Variants in NAA25 observed in about 807,000 individuals in gnomAD.
NAA25 encodes N-terminal acetyltransferase B complex subunit NAA25.
A neutral mutation model predicts 132.5 loss-of-function variants in NAA25; 30 were observed. The observed-to-expected ratio is 0.23, with a 90% CI of 0.17 to 0.31. The LOEUF (loss-of-function observed/expected upper bound fraction) is 0.31. Ranked by LOEUF, NAA25 falls within the 10% of genes least tolerant of loss-of-function variation. NAA25 has a pLI of 1.00. For synonymous variants in NAA25, 359 were observed against 401.9 expected (o/e 0.89, Z 1.28); for missense variants, 771 against 1,150.4 (o/e 0.67, Z 4.77).
Position 112,072,068 on chromosome 12 carries a change from A to G in NAA25, c.867-4T>C. On this transcript the variant is annotated splice_polypyrimidine_tract_variant and splice_region_variant and intron_variant, in intron 9 of 23. Transcript: ENST00000261745. ...ATGTACTTCTCCTTCTAAAGAGCTG[A>G]GGAAAAGCACATGAAAAAGGAATTT... 4 of 1,605,054 alleles carry G rather than the reference A, an allele frequency of 2.5e-6. No individual in the cohort carries two copies. The highest frequency in any genetic ancestry group is 3.4e-6 in the Non-Finnish European group (4 of 1,175,020).
intron 13 of NAA25, among the ~76,000 whole-genome samples, chr12:112,055,939 C>T (rs1158222126): frequency 6.6e-6 from 1 of 152,178 alleles, no homozygotes; most frequent in African/African-American, 2.4e-5. Flanking sequence ...GTAGCTCATG[C>T]CTGTAATCCC....
At chr12:112,092,993 T>A (rs984857275) in intron 2 of NAA25, 58 bp downstream of exon 2, 1 of 1,258,224 alleles carries the variant, frequency 7.9e-7, no homozygotes, top group Non-Finnish European at 1.1e-6. Context: ...CTCTTTAAGG[T>A]AAGGAATTAC....
chr12:112,064,241 T>G (rs1369544987), intron 11 of NAA25: 1 of 152,338 alleles, frequency 6.6e-6, no homozygotes, highest in African/African-American at 2.4e-5. Flanking sequence ...TGTTGTTGTT[T>G]TTGAGACGGA....
chr12:112,098,397 G>A (rs573559859), intron 1 of NAA25, among the ~76,000 whole-genome samples: 1 of 152,292 alleles, frequency 6.6e-6, no homozygotes, highest in Middle Eastern at 3.4e-3. Flanking sequence ...CTAGGAGAGT[G>A]TGATTAATTA....
chr12:112,108,638 C>A, intron 1 of NAA25, 78 bp downstream of exon 1: 1 of 1,268,746 alleles, frequency 7.9e-7, no homozygotes. Context: ...GCCCTCAGCA[C>A]CCCTCCTGGG....
chr12:112,094,706 T>C (rs1012376669), intron 1 of NAA25, among the ~76,000 whole-genome samples: 3 of 152,094 alleles, frequency 2.0e-5, no homozygotes, highest in African/African-American at 7.2e-5. Context: ...GTCGCCCAAG[T>C]TGGAGTGCAA....
chr12:112,033,428 C>T lies in NAA25; in HGVS notation c.2650-49G>A, dbSNP rs747639193. On this transcript the variant is annotated intron_variant, in intron 22 of 23. Coordinates refer to ENST00000261745, the MANE Select transcript of NAA25 (RefSeq NM_024953.4). ...TTGAAACATTATCAAACATATTACC[C>T]ATATCTACATCACAAAAGCTACTGA... The T allele has an allele frequency of 2.7e-6, 4 of 1,503,608 alleles. No homozygotes were observed. In the African/African-American group the frequency reaches 5.6e-5, roughly 21 times the overall value. 93.1% of individuals were successfully genotyped at this position (1,503,608 alleles called of 1,614,324 possible). A position where few individuals can be genotyped will look rare whatever the true frequency, so the allele number is the denominator to read the frequency against.
Position 112,060,262 on chromosome 12 carries a change from CT to C in NAA25, c.1447+7del. On this transcript the variant is annotated splice_region_variant and intron_variant, in intron 13 of 23. Coordinates refer to ENST00000261745, the MANE Select transcript of NAA25 (RefSeq NM_024953.4). ...AAGTAAAGTTGAACTGAAATCACTG[CT>C]ACTTACCTGTTTCCCTCCATACATC... is the stretch of plus-strand genomic sequence containing the variant. 1.3e-6 allele frequency: 2 copies of C among 1,594,622 alleles called. No homozygotes were observed. The highest frequency in any genetic ancestry group is 1.7e-6 in the Non-Finnish European group (2 of 1,164,916).
intron 1 of NAA25, among the ~76,000 whole-genome samples, chr12:112,107,640 GC>G (rs1041583304): frequency 6.6e-6 from 1 of 151,678 alleles, no homozygotes; most frequent in South Asian, 2.1e-4. Flanking sequence ...GTTAACCACC[GC>G]CCCCCGCTCC....
At chr12:112,070,958 G>A (rs1298208084) in intron 10 of NAA25, among the ~76,000 whole-genome samples, 1 of 152,240 alleles carries the variant, frequency 6.6e-6, no homozygotes, top group Non-Finnish European at 1.5e-5. Flanking sequence ...TGTTGGCCAG[G>A]CTGGTCTTGA....
chr12:112,100,570 T>C (rs2079278931), intron 1 of NAA25, among the ~76,000 whole-genome samples: 1 of 151,616 alleles, frequency 6.6e-6, no homozygotes, highest in Non-Finnish European at 1.5e-5. Context: ...TTTAATGTCA[T>C]CCACTGTCCT....
intron 13 of NAA25, among the ~76,000 whole-genome samples, chr12:112,057,151 G>A (rs2078558764): frequency 6.6e-6 from 1 of 152,058 alleles, no homozygotes; most frequent in Non-Finnish European, 1.5e-5. Flanking sequence ...TCGCACCAAT[G>A]CACTCCAGCC....
chr12:112,100,041 A>G (rs2079270171), intron 1 of NAA25, among the ~76,000 whole-genome samples: 1 of 152,254 alleles, frequency 6.6e-6, no homozygotes, highest in African/African-American at 2.4e-5. Flanking sequence ...AATACAAATT[A>G]CAGAAGACAC....
Position 112,047,738 on chromosome 12 carries a change from C to T in NAA25, c.1933G>A (p.Asp645Asn). Residue 645 changes from aspartate to asparagine, a missense_variant, in exon 17 of 24, where the codon GAT becomes AAT. By Grantham distance (23) the Asp-to-Asn change is conservative. Coordinates refer to ENST00000261745, the MANE Select transcript of NAA25 (RefSeq NM_024953.4). ...IKSMNLRPEE[D>N]DIPWEDLRDN... ...CGCAAATCTTCCCATGGAATGTCAT[C>T]TTCTTCTGGCCTAAGGTTCATTGAC... 6.2e-7 allele frequency: 1 copy of T among 1,613,950 alleles called. No individual in the cohort carries two copies. The highest frequency in any genetic ancestry group is 8.5e-7 in the Non-Finnish European group (1 of 1,179,910).
intron 13 of NAA25, among the ~76,000 whole-genome samples, chr12:112,059,046 T>A (rs2078586231): frequency 8.0e-6 from 1 of 124,662 alleles, no homozygotes; most frequent in Admixed American, 1.0e-4. Flanking sequence ...TGTACTCCAG[T>A]CTGGGCGACA....
At chr12:112,068,533 T>A (rs1566016452) in intron 11 of NAA25, among the ~76,000 whole-genome samples, 1 of 152,190 alleles carries the variant, frequency 6.6e-6, no homozygotes, top group African/African-American at 2.4e-5. Flanking sequence ...ATGTTGCCAT[T>A]GGGACAAACA....
chr12:112,102,894 C>A (rs184091880), intron 1 of NAA25, among the ~76,000 whole-genome samples: 1 of 152,114 alleles, frequency 6.6e-6, no homozygotes, highest in Non-Finnish European at 1.5e-5. Context: ...TTCACTATGT[C>A]GGTGAGACTC....
At chr12:112,074,539 A>C (rs775582558) in intron 9 of NAA25, 136 bp downstream of exon 9, 9 of 498,432 alleles carry the variant, frequency 1.8e-5, no homozygotes, top group African/African-American at 4.0e-5. Flanking sequence ...ACTTTAAAAA[A>C]TATGAAAAAA....
intron 10 of NAA25, 159 bp from the exon 11 acceptor site, chr12:112,069,151 G>A: frequency 1.7e-6 from 1 of 583,956 alleles, no homozygotes; most frequent in Admixed American, 3.1e-5. Context: ...TTCAGTTACA[G>A]ACTGAACTCA....
Sources: gnomAD v4.1 joint callset for allele counts (sites outside exome capture counted in the v4.1 genomes callset) on GRCh38, gnomAD v4.1.1 for gene constraint, MANE v1.5 for transcripts, NCBI Gene and HGNC (gene_info 2026-07-23, HGNC 2026-07-21) for gene names.